The following RECK variants were observed in gnomAD, a reference collection of about 807,000 sequenced individuals.
The protein encoded by RECK is reversion inducing cysteine rich protein with kazal motifs, also known as reversion-inducing cysteine-rich protein with Kazal motifs.
In RECK, 69 loss-of-function variants were observed where a neutral mutation model predicts 115.1. The observed-to-expected ratio is 0.60, with a 90% CI of 0.49 to 0.73. The LOEUF (loss-of-function observed/expected upper bound fraction) is 0.73, where lower values mean the gene tolerates loss of function less well. Ranked by LOEUF, RECK falls within the 30% of genes least tolerant of loss-of-function variation. The pLI, the probability that RECK is intolerant of heterozygous loss-of-function variation, is 0.00. For synonymous variants in RECK, 414 were observed against 419.7 expected, an observed-to-expected ratio of 0.99 and a Z score of 0.17; for missense variants, 1,047 against 1,203.7, an observed-to-expected ratio of 0.87 and a Z score of 1.93.
At chr9:36,089,693 G>T (rs1404150776) in intron 9 of RECK, among the ~76,000 whole-genome samples, 1 of 152,070 alleles carries the variant, frequency 6.6e-6, no homozygotes, top group African/African-American at 2.4e-5. Context: ...TGTGTATAAG[G>T]TATATATGAA....
intron 2 of RECK, among the ~76,000 whole-genome samples, 169 bp from the exon 3 acceptor site, chr9:36,058,658 T>TAAA (rs1345059697): frequency 9.0e-4 from 129 of 143,800 alleles, no homozygotes; most frequent in Middle Eastern, 3.5e-3. Context: ...ATAATAATAA[T>TAAA]TAATAAATAA....
At position 36,052,145 on chromosome 9, in the gene RECK, A is replaced by C. The variant is rs75502058; in HGVS notation, c.101-120A>C. ...GTGCTCAGTAAAGGTTTGTTGAGTT[A>C]AAATTAATAATAATAATAATCATCA... On this transcript the variant is annotated intron_variant, in intron 1 of 20. Transcript: ENST00000377966. The C allele has an allele frequency of 8.5e-3, 5,554 of 651,104 alleles. 230 individuals carry two copies. The African/African-American group carries it at 0.088, about 10-fold the overall frequency. The allele number at this position is 651,104 out of a possible 1,614,324, so 40.3% of individuals were successfully genotyped here. A position where few individuals can be genotyped will look rare whatever the true frequency, so the allele number is the denominator to read the frequency against.
intron 2 of RECK, among the ~76,000 whole-genome samples, chr9:36,055,377 T>A (rs1473989948): frequency 1.3e-5 from 2 of 152,158 alleles, no homozygotes; most frequent in African/African-American, 2.4e-5. Context: ...AGGGACCCAA[T>A]AGATTATCTA....
chr9:36,043,191 ATTTTT>A (rs761649232), intron 1 of RECK, among the ~76,000 whole-genome samples: 7 of 53,990 alleles, frequency 1.3e-4, no homozygotes, highest in Non-Finnish European at 1.9e-4. Flanking sequence ...CGCCTGGCTA[ATTTTT>A]TTTTTTTTTT....
At chr9:36,073,892 C>T (rs1427748824) in intron 6 of RECK, among the ~76,000 whole-genome samples, 1 of 152,148 alleles carries the variant, frequency 6.6e-6, no homozygotes, top group Non-Finnish European at 1.5e-5. Flanking sequence ...AATACCAGCT[C>T]CCTACCAGCT....
intron 1 of RECK, among the ~76,000 whole-genome samples, chr9:36,050,571 G>A (rs1473576682): frequency 6.6e-6 from 1 of 152,172 alleles, no homozygotes; most frequent in Non-Finnish European, 1.5e-5. Flanking sequence ...ACAGGAACCA[G>A]AGTGGTCTTT....
Position 36,107,971 on chromosome 9 carries a change from T to C in RECK, c.1577-5T>C, listed in dbSNP as rs763346527. On this transcript the variant is annotated splice_region_variant and splice_polypyrimidine_tract_variant and intron_variant, in intron 13 of 20. Coordinates refer to ENST00000377966, the MANE Select transcript of RECK (RefSeq NM_021111.3). ...ATCTCTCTCAGCTAATTTTTGCTTGTACAGGTTGCAAACTGGGAGAAGCTT... is the reference window on the plus strand; with the variant it reads ...ATCTCTCTCAGCTAATTTTTGCTTGCACAGGTTGCAAACTGGGAGAAGCTT... 6.2e-6 allele frequency: 10 copies of C among 1,608,090 alleles called. No homozygotes were observed. The highest frequency in any genetic ancestry group is 7.6e-6 in the Non-Finnish European group (9 of 1,177,314).
At chr9:36,116,891 T>C in intron 16 of RECK, 94 bp from the exon 17 acceptor site, 1 of 985,654 alleles carries the variant, frequency 1.0e-6, no homozygotes, top group Non-Finnish European at 1.5e-6. Flanking sequence ...TCTCTTGCTC[T>C]CTCTTCAGCC....
At chr9:36,105,053 C>A (rs916539252) in intron 12 of RECK, 90 bp from the exon 13 acceptor site, 1 of 1,093,936 alleles carries the variant, frequency 9.1e-7, no homozygotes, top group Non-Finnish European at 1.3e-6. Context: ...ATGAGCTCTT[C>A]ATTTATTCCA....
chr9:36,118,683 C>T (rs1455500397), intron 17 of RECK, 74 bp from the exon 18 acceptor site: 1 of 1,361,842 alleles, frequency 7.3e-7, no homozygotes, highest in African/African-American at 1.4e-5. Context: ...AATAGGGAGG[C>T]ATGCTGTGTA....
chr9:36,065,228 TA>T (rs561725701), intron 5 of RECK, among the ~76,000 whole-genome samples: 1,294 of 50,464 alleles, frequency 0.026, 7 homozygotes, highest in African/African-American at 0.044. Context: ...GGAATTCAGC[TA>T]AAAAAAAAAA....
chr9:36,096,068 C>CAAA (rs150675703), intron 10 of RECK, among the ~76,000 whole-genome samples: 1 of 91,024 alleles, frequency 1.1e-5, no homozygotes, highest in Non-Finnish European at 2.2e-5. Context: ...AACTCCATCT[C>CAAA]AAAAAAAAAA....
At chr9:36,112,913 A>T (rs10491850) in intron 16 of RECK, among the ~76,000 whole-genome samples, 3,843 of 152,340 alleles carry the variant, frequency 0.025, 176 homozygotes, top group African/African-American at 0.087. Context: ...AGAAAAGGTA[A>T]CATAAGGAGA....
At chr9:36,107,530 G>A (rs748366627) in intron 13 of RECK, among the ~76,000 whole-genome samples, 13 of 149,914 alleles carry the variant, frequency 8.7e-5, no homozygotes, top group Admixed American at 2.7e-4. Flanking sequence ...ACTTGAACCC[G>A]AGAGGCAGAA....
chr9:36,037,164 C>A, intron 1 of RECK, 66 bp downstream of exon 1: 2 of 865,874 alleles, frequency 2.3e-6, no homozygotes, highest in Non-Finnish European at 2.9e-6. Context: ...TCCAAGATGG[C>A]GCGGGGCAGG....
intron 15 of RECK, among the ~76,000 whole-genome samples, chr9:36,111,835 G>A (rs1212903820): frequency 6.6e-6 from 1 of 151,956 alleles, no homozygotes; most frequent in Non-Finnish European, 1.5e-5. Context: ...GTTAATAGGG[G>A]TCTCTACCTG....
chr9:36,101,110 G>A (rs928624192), intron 11 of RECK, among the ~76,000 whole-genome samples: 2 of 151,910 alleles, frequency 1.3e-5, no homozygotes, highest in Non-Finnish European at 2.9e-5. Context: ...GGGACTACAC[G>A]CCCAGCTAAT....
chr9:36,099,795 G>A (rs184448606), intron 10 of RECK, among the ~76,000 whole-genome samples: 46 of 152,168 alleles, frequency 3.0e-4, no homozygotes, highest in Admixed American at 1.4e-3. Flanking sequence ...TAGAACAGGC[G>A]AAATTAATCT....
chr9:36,112,234 C>T (rs1361648988), intron 15 of RECK, 71 bp from the exon 16 acceptor site: 1 of 1,467,922 alleles, frequency 6.8e-7, no homozygotes, highest in Non-Finnish European at 9.4e-7. Context: ...TCATGGTTTG[C>T]CTTAACAAGG....
Sources: gnomAD v4.1 joint callset for allele counts (sites outside exome capture counted in the v4.1 genomes callset) on GRCh38, gnomAD v4.1.1 for gene constraint, MANE v1.5 for transcripts, NCBI Gene and HGNC (gene_info 2026-07-23, HGNC 2026-07-21) for gene names.